PRICKLE2: variants seen among roughly 807,000 people sequenced by gnomAD.
PRICKLE2 encodes the protein prickle planar cell polarity protein 2.
Under a neutral mutation model 81.4 loss-of-function variants are expected in PRICKLE2, and 21 were observed. The observed-to-expected ratio is 0.26, with a 90% CI of 0.18 to 0.37. PRICKLE2 has a LOEUF of 0.37. Among genes scored for constraint, PRICKLE2 ranks in the 10% least tolerant of loss-of-function variants. The probability of loss-of-function intolerance (pLI) is 1.00; values close to 1 mark genes in which losing one functional copy is unlikely to be tolerated. For synonymous variants in PRICKLE2, 456 were observed against 421.5 expected, an observed-to-expected ratio of 1.08 and a Z score of -1.00; for missense variants, 940 against 1,109.0, an observed-to-expected ratio of 0.85 and a Z score of 2.16.
chr3:64,196,472 G>A (rs989486019), intron 2 of PRICKLE2, among the ~76,000 whole-genome samples: 9 of 152,040 alleles, frequency 5.9e-5, no homozygotes, highest in Non-Finnish European at 1.2e-4. Flanking sequence ...AAAGTTATGC[G>A]GTCAGCCACT....
intron 2 of PRICKLE2, among the ~76,000 whole-genome samples, chr3:64,182,375 T>C (rs1184727654): frequency 1.3e-5 from 2 of 151,514 alleles, no homozygotes; most frequent in Admixed American, 1.3e-4. Flanking sequence ...CAGTCCCAGT[T>C]ACCTGGGAGG....
intron 2 of PRICKLE2, among the ~76,000 whole-genome samples, chr3:64,181,011 T>C (rs1358243818): frequency 6.6e-6 from 1 of 152,200 alleles, no homozygotes; most frequent in East Asian, 1.9e-4. Flanking sequence ...ACAGGGAAGA[T>C]GCTGGCCCCA....
chr3:64,165,331 G>C (rs1575609317), intron 2 of PRICKLE2, among the ~76,000 whole-genome samples: 1 of 152,280 alleles, frequency 6.6e-6, no homozygotes, highest in Non-Finnish European at 1.5e-5. Context: ...TGGACCCCGA[G>C]TCAAGGCTCT....
intron 1 of PRICKLE2, among the ~76,000 whole-genome samples, chr3:64,205,476 G>C (rs2078670703): frequency 6.6e-6 from 1 of 152,158 alleles, no homozygotes; most frequent in African/African-American, 2.4e-5. Flanking sequence ...TACTTGAAAG[G>C]ATTCATCATG....
intron 1 of PRICKLE2, among the ~76,000 whole-genome samples, chr3:64,213,548 T>A (rs2078826078): frequency 1.3e-5 from 2 of 152,176 alleles, no homozygotes; most frequent in African/African-American, 4.8e-5. Flanking sequence ...GGGTTCTTTA[T>A]AGATGAAGAA....
At chr3:64,135,049 T>A (rs40351) in intron 7 of PRICKLE2, among the ~76,000 whole-genome samples, 149,345 of 152,278 alleles carry the variant, frequency 0.98, 73,299 homozygotes, top group Middle Eastern at 1. Context: ...CACCAAAAGC[T>A]CAATGTCAGA....
chr3:64,140,252 A>G (rs1012573971), intron 7 of PRICKLE2, among the ~76,000 whole-genome samples: 4 of 152,204 alleles, frequency 2.6e-5, no homozygotes, highest in Non-Finnish European at 4.4e-5. Context: ...CTATTAAACT[A>G]TAAGTCCAGT....
intron 7 of PRICKLE2, among the ~76,000 whole-genome samples, chr3:64,127,627 G>A (rs908976543): frequency 6.6e-6 from 1 of 152,004 alleles, no homozygotes; most frequent in Non-Finnish European, 1.5e-5. Context: ...TAAGGTCTCA[G>A]CTGGGGAGCT....
chr3:64,224,847 C>G, intron 1 of PRICKLE2, 63 bp downstream of exon 1: 1 of 940,268 alleles, frequency 1.1e-6, no homozygotes, highest in African/African-American at 1.8e-5. Flanking sequence ...ATCTGGCTTT[C>G]TCATCCTCCT....
chr3:64,171,118 C>T (rs374727293), intron 2 of PRICKLE2, among the ~76,000 whole-genome samples: 7 of 152,234 alleles, frequency 4.6e-5, no homozygotes, highest in South Asian at 2.1e-4. Context: ...GCCATTCCCT[C>T]GGCCTGAAAG....
intron 1 of PRICKLE2, among the ~76,000 whole-genome samples, chr3:64,218,943 C>A (rs2078911267): frequency 6.6e-6 from 1 of 152,112 alleles, no homozygotes; most frequent in Non-Finnish European, 1.5e-5. Flanking sequence ...TGCTTGCATA[C>A]ATAACAAAGC....
intron 2 of PRICKLE2, among the ~76,000 whole-genome samples, chr3:64,164,318 C>A (rs187207616): frequency 6.6e-6 from 1 of 152,146 alleles, no homozygotes; most frequent in East Asian, 1.9e-4. Context: ...GCCTGGGCAA[C>A]AGAGCAAGAC....
intron 2 of PRICKLE2, among the ~76,000 whole-genome samples, chr3:64,247,485 C>T (rs1290454249): frequency 6.6e-6 from 1 of 152,202 alleles, no homozygotes; most frequent in East Asian, 1.9e-4. Flanking sequence ...TTTTGTCTTA[C>T]ATCATACATA....
At chr3:64,111,320 T>C (rs2076843357) in intron 7 of PRICKLE2, among the ~76,000 whole-genome samples, 1 of 152,262 alleles carries the variant, frequency 6.6e-6, no homozygotes, top group East Asian at 1.9e-4. Flanking sequence ...TTGTCATATA[T>C]GAAATTGCTG....
chr3:64,206,450 C>A (rs1209686843), intron 1 of PRICKLE2, among the ~76,000 whole-genome samples: 10 of 152,228 alleles, frequency 6.6e-5, no homozygotes, highest in Admixed American at 6.5e-4. Context: ...ATGTCTTAAC[C>A]TCTTGCATCA....
intron 1 of PRICKLE2, among the ~76,000 whole-genome samples, chr3:64,210,770 A>C (rs542358489): frequency 6.6e-6 from 1 of 152,336 alleles, no homozygotes; most frequent in South Asian, 2.1e-4. Context: ...TTTGCTTGGA[A>C]ACATATAATT....
intron 6 of PRICKLE2, among the ~76,000 whole-genome samples, chr3:64,150,965 G>GT (rs1470860739): frequency 6.6e-6 from 1 of 151,952 alleles, no homozygotes; most frequent in African/African-American, 2.4e-5. Context: ...ACATCTAAGC[G>GT]TTCTTTTTTT....
intron 1 of PRICKLE2, among the ~76,000 whole-genome samples, chr3:64,213,723 A>T (rs1200018008): frequency 4.6e-5 from 7 of 152,010 alleles, no homozygotes; most frequent in African/African-American, 1.7e-4. Flanking sequence ...TTTTCTGAGT[A>T]TGTGCCAAGC....
In PRICKLE2 at chr3:64,094,607, A is replaced by T. The variant is rs1389622154; in HGVS notation, c.*4444T>A. ...CCAATAGTGAGTCATATTTTATGGG[A>T]GTCTTGTGTTGACTAGGCTACTATT... On this transcript the variant is annotated 3_prime_UTR_variant, in exon 8 of 8. Transcript: ENST00000638394. 1 of 152,196 alleles carries T rather than the reference A, an allele frequency of 6.6e-6. No homozygotes were observed. Among genetic ancestry groups the T allele is most frequent in the Non-Finnish European group, 1.5e-5 (1 of 68,038 alleles). 9.4% of individuals were successfully genotyped at this position (152,196 alleles called of 1,614,324 possible).
Sources: gnomAD v4.1 joint callset for allele counts (sites outside exome capture counted in the v4.1 genomes callset) on GRCh38, gnomAD v4.1.1 for gene constraint, MANE v1.5 for transcripts, NCBI Gene and HGNC (gene_info 2026-07-23, HGNC 2026-07-21) for gene names.